The following RNF123 variants were observed in gnomAD, a reference collection of about 807,000 sequenced individuals.
The protein encoded by RNF123 is E3 ubiquitin-protein ligase RNF123.
RNF123 carries 86 observed loss-of-function variants against 168.5 expected under a neutral mutation model. The observed-to-expected ratio is 0.51, with a 90% CI of 0.43 to 0.61. The LOEUF is 0.61. Among genes scored for constraint, RNF123 ranks in the 20% least tolerant of loss-of-function variants. The probability of loss-of-function intolerance (pLI) is 0.00; values close to 1 mark genes in which losing one functional copy is unlikely to be tolerated. For synonymous variants in RNF123, 666 were observed against 689.1 expected (o/e 0.97, Z 0.52); for missense variants, 1,419 against 1,729.7 (o/e 0.82, Z 3.19).
chr3:49,718,366 T>C (rs779856258), intron 35 of RNF123: 34 of 1,613,398 alleles, frequency 2.1e-5, no homozygotes, highest in Non-Finnish European at 1.9e-5. Flanking sequence ...GCTCACGTTG[T>C]ACTCGTGCGT....
intron 3 of RNF123, among the ~76,000 whole-genome samples, chr3:49,692,219 G>A (rs182031739): frequency 2.0e-4 from 30 of 152,324 alleles, no homozygotes; most frequent in Non-Finnish European, 4.1e-4. Flanking sequence ...CTGCACTGTA[G>A]CCTGGGTGAC....
chr3:49,712,295 T>C (rs2080158471), intron 26 of RNF123, among the ~76,000 whole-genome samples, 184 bp from the exon 27 acceptor site: 1 of 151,870 alleles, frequency 6.6e-6, no homozygotes, highest in Non-Finnish European at 1.5e-5. Flanking sequence ...CCAGGCTGAG[T>C]GCGTCCCTCT....
chr3:49,720,630 G>C lies in RNF123; in HGVS notation c.3620G>C (p.Arg1207Pro), dbSNP rs77599182. The C allele has an allele frequency of 6.2e-7, 1 of 1,601,440 alleles. No individual in the cohort carries two copies. Among genetic ancestry groups the C allele is most frequent in the Non-Finnish European group, 8.5e-7 (1 of 1,171,488 alleles). ...APGTALPAPD[R>P]KRFSLQSYAD... ...GGCACTGCTCTGCCAGCCCCTGACCGGAAGCGCTTCTCCCTGCAGAGCTGT... is the reference window on the plus strand; with the variant it reads ...GGCACTGCTCTGCCAGCCCCTGACCCGAAGCGCTTCTCCCTGCAGAGCTGT... The change falls in exon 36 of 39, where the codon CGG becomes CCG. Residue 1207 changes from arginine (R) to proline (P), a missense_variant. This residue lies in a region of RNF123 where 164 missense variants were observed against 152.3 expected (regional missense o/e 1.08). Coordinates refer to ENST00000327697, the MANE Select transcript of RNF123 (RefSeq NM_022064.5).
At chr3:49,702,777 T>C in intron 20 of RNF123, 24 bp downstream of exon 20, 1 of 1,613,890 alleles carries the variant, frequency 6.2e-7, no homozygotes. Flanking sequence ...GGGTCCCAGG[T>C]CAGTGAGGCT....
Position 49,712,631 on chromosome 3 carries a change from C to T in RNF123, c.2649C>T (p.Pro883=), listed in dbSNP as rs199982251. The change falls in exon 27 of 39, where the codon CCC becomes CCT. Residue 883 remains proline (P), a synonymous_variant. Coordinates refer to ENST00000327697, the MANE Select transcript of RNF123 (RefSeq NM_022064.5). ...SYSALKNYFG[P]VHSMEELPGY... ...GTGCTCTCAAGAATTACTTTGGTCC[C>T]GTGCACAGCATGGAGGAGCTCCCAG... 9.6e-5 allele frequency: 155 copies of T among 1,614,028 alleles called. No individual in the cohort carries two copies. Among genetic ancestry groups the T allele is most frequent in the South Asian group, 1.3e-4 (12 of 91,074 alleles).
In RNF123 at chr3:49,716,092, C is replaced by A. The variant is rs375249179; in HGVS notation, c.3340-10C>A. ...CCCCATCCACCAATGGACTCCTGCT[C>A]CCCTCACAGCTGCTAAACCAGGTGC... On this transcript the variant is annotated splice_polypyrimidine_tract_variant and intron_variant, in intron 33 of 38. Transcript: ENST00000327697. 6.2e-7 allele frequency: 1 copy of A among 1,613,750 alleles called. No homozygotes were observed. Among genetic ancestry groups the A allele is most frequent in the Non-Finnish European group, 8.5e-7 (1 of 1,179,956 alleles).
At chr3:49,694,102 C>T (rs902028887) in intron 3 of RNF123, among the ~76,000 whole-genome samples, 2 of 152,168 alleles carry the variant, frequency 1.3e-5, no homozygotes, top group African/African-American at 4.8e-5. Context: ...AGCTTTTTAA[C>T]TTCATGTCTG....
chr3:49,719,123 C>A (rs566225531), intron 35 of RNF123: 104 of 1,613,414 alleles, frequency 6.4e-5, no homozygotes, highest in Non-Finnish European at 8.1e-5. Context: ...GATGATAGAT[C>A]GAGCAGCCTC....
intron 35 of RNF123, chr3:49,717,929 G>A (rs1201049843): frequency 6.3e-7 from 1 of 1,598,622 alleles, no homozygotes; most frequent in Non-Finnish European, 8.5e-7. Context: ...GTGGGGGCCT[G>A]GGTGGGGGAG....
At chr3:49,698,880 C>CAG in intron 9 of RNF123, 58 bp downstream of exon 9, 1 of 1,605,994 alleles carries the variant, frequency 6.2e-7, no homozygotes, top group South Asian at 1.1e-5. Context: ...AGACTGCCCC[C>CAG]AGTTTCCTGG....
intron 24 of RNF123, 25 bp from the exon 25 acceptor site, chr3:49,705,957 G>A: frequency 1.2e-6 from 2 of 1,610,310 alleles, no homozygotes; most frequent in Non-Finnish European, 1.7e-6. Context: ...GGGGCACTCT[G>A]GACATGTGGT....
intron 3 of RNF123, among the ~76,000 whole-genome samples, chr3:49,691,993 C>T (rs2054174993): frequency 6.6e-6 from 1 of 152,246 alleles, no homozygotes; most frequent in African/African-American, 2.4e-5. Context: ...CCTGTAATCC[C>T]AGCACTTTGG....
chr3:49,704,355 G>C (rs1342017320), intron 21 of RNF123, among the ~76,000 whole-genome samples: 1 of 152,188 alleles, frequency 6.6e-6, no homozygotes, highest in African/African-American at 2.4e-5. Context: ...CCAGCAGGAA[G>C]GGCATGATGG....
At chr3:49,703,718 C>G (rs996536311) in intron 21 of RNF123, among the ~76,000 whole-genome samples, 190 bp downstream of exon 21, 23 of 152,316 alleles carry the variant, frequency 1.5e-4, no homozygotes, top group African/African-American at 5.5e-4. Flanking sequence ...CCGCCAGCAC[C>G]CACGCCATAG....
At chr3:49,703,036 G>A (rs1456900758) in intron 20 of RNF123, among the ~76,000 whole-genome samples, 1 of 152,156 alleles carries the variant, frequency 6.6e-6, no homozygotes, top group Non-Finnish European at 1.5e-5. Context: ...TTCTCTGTGC[G>A]TCCTTTATAG....
At chr3:49,690,120 G>A (rs1000480874) in intron 1 of RNF123, among the ~76,000 whole-genome samples, 2 of 152,188 alleles carry the variant, frequency 1.3e-5, no homozygotes, top group Non-Finnish European at 2.9e-5. Flanking sequence ...GTTTGTGGCG[G>A]GAGTAGAGGG....
chr3:49,718,381 T>C, intron 35 of RNF123: 1 of 1,613,364 alleles, frequency 6.2e-7, no homozygotes, highest in Non-Finnish European at 8.5e-7. Flanking sequence ...GTGCGTCTGG[T>C]TGTGGTGCAG....
intron 21 of RNF123, among the ~76,000 whole-genome samples, chr3:49,703,809 A>G (rs2108187463): frequency 6.6e-6 from 1 of 152,252 alleles, no homozygotes; most frequent in East Asian, 1.9e-4. Context: ...AGCTGCCTTC[A>G]GGGATGAGCA....
intron 26 of RNF123, among the ~76,000 whole-genome samples, chr3:49,707,966 CTG>C (rs1301792451): frequency 6.6e-6 from 1 of 151,930 alleles, no homozygotes; most frequent in East Asian, 1.9e-4. Context: ...ACCATCCTAG[CTG>C]TGTTTTTTTT....
Sources: gnomAD v4.1 joint callset for allele counts (sites outside exome capture counted in the v4.1 genomes callset) on GRCh38, gnomAD v4.1.1 for gene constraint, gnomAD v4.1.1 regional missense constraint, MANE v1.5 for transcripts, NCBI Gene and HGNC (gene_info 2026-07-23, HGNC 2026-07-21) for gene names.